CTDSP2: variants seen among roughly 807,000 people sequenced by gnomAD.
CTDSP2 encodes the protein carboxy-terminal domain RNA polymerase II polypeptide A small phosphatase 2.
A neutral mutation model predicts 31.6 loss-of-function variants in CTDSP2; 9 were observed. That is an observed-to-expected ratio of 0.28 (90% CI 0.17 to 0.50). The LOEUF is 0.50. Among genes scored for constraint, CTDSP2 ranks in the 20% least tolerant of loss-of-function variants. The pLI is 0.98. For missense variants in CTDSP2, 267 were observed against 348.5 expected (o/e 0.77, Z 1.86); for synonymous variants, 134 against 134.5 (o/e 1.00, Z 0.03).
At chr12:57,824,446 T>A in intron 5 of CTDSP2, 127 bp from the exon 6 acceptor site, 1 of 757,174 alleles carries the variant, frequency 1.3e-6, no homozygotes, top group Non-Finnish European at 2.3e-6. Context: ...CTGGGCTACC[T>A]GGCTGGAAGC....
chr12:57,831,137 C>A (rs1267957648), intron 1 of CTDSP2, among the ~76,000 whole-genome samples: 1 of 147,664 alleles, frequency 6.8e-6, no homozygotes. Flanking sequence ...ATGAGCATTA[C>A]AGGATCAACT....
At position 57,823,484 on chromosome 12, in the gene CTDSP2, C is replaced by G; in HGVS notation, c.*118G>C. ...TCCTAAAGCTCTTTCCAGTTACTTC[C>G]CGCTGTTTCCGGGCCGTGTGGTGAG... On this transcript the variant is annotated 3_prime_UTR_variant, in exon 8 of 8. Transcript: ENST00000398073. The G allele has an allele frequency of 1.6e-6, 2 of 1,213,334 alleles. No homozygotes were observed. The highest frequency in any genetic ancestry group is 2.3e-6 in the Non-Finnish European group (2 of 868,602). The allele number at this position is 1,213,334 out of a possible 1,614,324, so 75.2% of individuals were successfully genotyped here. A position where few individuals can be genotyped will look rare whatever the true frequency, so the allele number is the denominator to read the frequency against.
chr12:57,832,244 T>C (rs1197409186), intron 1 of CTDSP2, among the ~76,000 whole-genome samples: 2 of 152,210 alleles, frequency 1.3e-5, no homozygotes, highest in Non-Finnish European at 2.9e-5. Flanking sequence ...GCAATTAGCC[T>C]GAAAGCCTGG....
At chr12:57,823,849 TC>T in intron 7 of CTDSP2, 54 bp downstream of exon 7, 1 of 1,609,542 alleles carries the variant, frequency 6.2e-7, no homozygotes, top group Non-Finnish European at 8.5e-7. Context: ...AGCCCACAGT[TC>T]CAGTCTGCTT....
intron 5 of CTDSP2, among the ~76,000 whole-genome samples, chr12:57,825,742 A>G (rs1956178928): frequency 6.6e-6 from 1 of 152,340 alleles, no homozygotes; most frequent in Admixed American, 6.5e-5. Context: ...ACAGACACAC[A>G]CTGAGCACTT....
chr12:57,828,609 A>G (rs1432670059), intron 2 of CTDSP2, among the ~76,000 whole-genome samples: 3 of 152,230 alleles, frequency 2.0e-5, no homozygotes, highest in East Asian at 1.9e-4. Flanking sequence ...TTGCAACTCA[A>G]TACTTCTCCA....
Position 57,846,663 on chromosome 12 carries a change from C to G in CTDSP2, c.-228G>C. On this transcript the variant is annotated 5_prime_UTR_variant, in exon 1 of 8. Transcript: ENST00000398073. ...TCCCCCGGGTGCCCCCGGCCCCGAT[C>G]CCCCAGCGGCAGCTCCGGGCTCCTC... 1 of 441,272 alleles carries G rather than the reference C, an allele frequency of 2.3e-6. No homozygotes were observed. The highest frequency in any genetic ancestry group is 4.2e-5 in the South Asian group (1 of 24,042). The allele number at this position is 441,272 out of a possible 1,614,324, so 27.3% of individuals were successfully genotyped here.
rs1956139071 is a variant in CTDSP2 at position 57,820,633 on chromosome 12, T to TA, written c.*2968dup. 1 of 152,626 alleles carries TA rather than the reference T, an allele frequency of 6.6e-6. No individual in the cohort carries two copies. The highest frequency in any genetic ancestry group is 1.5e-5 in the Non-Finnish European group (1 of 68,054). The allele number at this position is 152,626 out of a possible 1,614,324, so 9.5% of individuals were successfully genotyped here. On this transcript the variant is annotated 3_prime_UTR_variant, in exon 8 of 8. Coordinates refer to ENST00000398073, the MANE Select transcript of CTDSP2 (RefSeq NM_005730.4). Reference sequence around the variant, plus strand: ...TGAGTTTATACATTTACAAAATGCTTAAAATCTTTGGGAAGCAAGAGGAAG... The same window carrying TA: ...TGAGTTTATACATTTACAAAATGCTTAAAAATCTTTGGGAAGCAAGAGGAAG...
chr12:57,826,650 A>C (rs1199670866), intron 4 of CTDSP2, among the ~76,000 whole-genome samples: 1 of 152,172 alleles, frequency 6.6e-6, no homozygotes, highest in Non-Finnish European at 1.5e-5. Flanking sequence ...TTTCCTGAGG[A>C]GACAAGCAGG....
chr12:57,827,524 G>C (rs943229895), intron 3 of CTDSP2, 28 bp downstream of exon 3: 1 of 1,612,794 alleles, frequency 6.2e-7, no homozygotes, highest in African/African-American at 1.3e-5. Flanking sequence ...CCTGGCTTCT[G>C]AGTACTTACC....
Position 57,820,983 on chromosome 12 carries a change from G to A in CTDSP2, c.*2619C>T, listed in dbSNP as rs989722720. On this transcript the variant is annotated 3_prime_UTR_variant, in exon 8 of 8. Coordinates refer to ENST00000398073, the MANE Select transcript of CTDSP2 (RefSeq NM_005730.4). Reference sequence around the variant, plus strand: ...GTGGCCTATTGCCTCCCAAAGACCAGTCTCAAGTGGGAGGGGCTGATGGTG... The same window carrying A: ...GTGGCCTATTGCCTCCCAAAGACCAATCTCAAGTGGGAGGGGCTGATGGTG... 21 of 152,216 alleles carry A rather than the reference G, an allele frequency of 1.4e-4. No individual in the cohort carries two copies. The highest frequency in any genetic ancestry group is 4.3e-4 in the African/African-American group (18 of 41,436). 9.4% of individuals were successfully genotyped at this position (152,216 alleles called of 1,614,324 possible).
chr12:57,845,964 G>A lies in CTDSP2; in HGVS notation c.64+408C>T, dbSNP rs542056963. ...CCAGTCTCGGTTCCGTTCCACCTGGGGCTCCCTCTGTCACCTTCCTAACCC... is the reference window on the plus strand; with the variant it reads ...CCAGTCTCGGTTCCGTTCCACCTGGAGCTCCCTCTGTCACCTTCCTAACCC... On this transcript the variant is annotated intron_variant, in intron 1 of 7. Coordinates refer to ENST00000398073, the MANE Select transcript of CTDSP2 (RefSeq NM_005730.4). 2.6e-5 allele frequency among the ~76,000 whole-genome samples: 4 copies of A among 152,240 alleles called. No individual in the cohort carries two copies. The South Asian group carries it at 8.3e-4, about 32-fold the overall frequency.
rs769661563 is a variant in CTDSP2 at position 57,823,919 on chromosome 12, G to A, written c.675C>T (p.Phe225=). 5 of 1,613,902 alleles carry A rather than the reference G, an allele frequency of 3.1e-6. No homozygotes were observed. The highest frequency in any genetic ancestry group is 4.2e-6 in the Non-Finnish European group (5 of 1,180,004). The change falls in exon 7 of 8, where the codon TTC becomes TTT. Residue 225 remains phenylalanine, a synonymous_variant. Transcript: ENST00000398073. ...ILDNSPASYI[F]HPENAVPVQS... is the part of the protein sequence containing the mutation. ...GAGCACTCACTGCATTCTCGGGGTG[G>A]AATATGTAAGAAGCAGGCGAGTTGT...
intron 3 of CTDSP2, 49 bp from the exon 4 acceptor site, chr12:57,827,146 T>C (rs1171271988): frequency 1.5e-6 from 2 of 1,340,990 alleles, no homozygotes; most frequent in East Asian, 4.6e-5. Context: ...AAAGCCCAAT[T>C]GTACCCCTTG....
At chr12:57,826,910 C>T in intron 4 of CTDSP2, 86 bp downstream of exon 4, 1 of 1,063,562 alleles carries the variant, frequency 9.4e-7, no homozygotes, top group Non-Finnish European at 1.4e-6. Flanking sequence ...CTTCTTTCCT[C>T]ACCTTTAGGC....
At chr12:57,826,855 G>T in intron 4 of CTDSP2, 141 bp downstream of exon 4, 1 of 641,746 alleles carries the variant, frequency 1.6e-6, no homozygotes, top group East Asian at 2.6e-5. Context: ...TGTGACACAG[G>T]GTGGCCAAAA....
intron 1 of CTDSP2, among the ~76,000 whole-genome samples, chr12:57,841,275 A>G (rs1956281145): frequency 1.3e-5 from 2 of 152,134 alleles, no homozygotes; most frequent in South Asian, 4.1e-4. Context: ...TCAATGTTGT[A>G]CCCCAAAACC....
intron 1 of CTDSP2, among the ~76,000 whole-genome samples, chr12:57,838,344 CCCTGCCCTATGTAGCA>C (rs1049968846): frequency 2.0e-5 from 3 of 152,196 alleles, no homozygotes; most frequent in Non-Finnish European, 4.4e-5. Flanking sequence ...CAGCAGGAGA[CCCTGCCCTATGTAGCA>C]CCAGCCAGAG....
At chr12:57,846,232 G>A in intron 1 of CTDSP2, 140 bp downstream of exon 1, 2 of 700,246 alleles carry the variant, frequency 2.9e-6, no homozygotes, top group Non-Finnish European at 4.6e-6. Context: ...GGGATGCGGG[G>A]GCGGATGGAC....
Sources: allele counts gnomAD v4.1 joint callset (sites outside exome capture counted in the v4.1 genomes callset), GRCh38; gene constraint gnomAD v4.1.1; transcripts MANE v1.5; gene names NCBI Gene and HGNC (gene_info 2026-07-23, HGNC 2026-07-21).